Variants in TSHZ2 observed in about 807,000 individuals in gnomAD.
TSHZ2 encodes teashirt homolog 2.
Under a neutral mutation model 74.4 loss-of-function variants are expected in TSHZ2, and 21 were observed. The ratio of observed to expected loss-of-function variants is 0.28; its 90% CI spans 0.20 to 0.41. The LOEUF (loss-of-function observed/expected upper bound fraction) is 0.41. Among genes scored for constraint, TSHZ2 ranks in the 10% least tolerant of loss-of-function variants. The pLI is 1.00. For missense variants in TSHZ2, 1,244 were observed against 1,293.5 expected (o/e 0.96, Z 0.59); for synonymous variants, 540 against 515.3 (o/e 1.05, Z -0.65).
intron 1 of TSHZ2, among the ~76,000 whole-genome samples, chr20:53,124,880 A>G (rs979905112): frequency 2.0e-5 from 3 of 152,194 alleles, no homozygotes; most frequent in African/African-American, 7.2e-5. Flanking sequence ...CTTTTTCTGT[A>G]AAGGGCCAAA....
chr20:53,388,297 AACTC>A (rs1982120646), intron 2 of TSHZ2, among the ~76,000 whole-genome samples: 1 of 152,244 alleles, frequency 6.6e-6, no homozygotes. Context: ...TGTTCATTCA[AACTC>A]ACATTTCTTG....
At chr20:53,387,387 G>T (rs755895967) in intron 2 of TSHZ2, among the ~76,000 whole-genome samples, 1 of 152,194 alleles carries the variant, frequency 6.6e-6, no homozygotes, top group Admixed American at 6.5e-5. Context: ...ATTCTATGTG[G>T]GGATATTCTT....
chr20:53,393,784 T>C (rs369770499), intron 2 of TSHZ2, among the ~76,000 whole-genome samples: 1 of 152,232 alleles, frequency 6.6e-6, no homozygotes, highest in African/African-American at 2.4e-5. Flanking sequence ...TATTTAAGAT[T>C]GACGTCTCCA....
chr20:53,387,857 G>A (rs1178260342), intron 2 of TSHZ2, among the ~76,000 whole-genome samples: 1 of 151,982 alleles, frequency 6.6e-6, no homozygotes. Context: ...GACCAGCCTG[G>A]GCAACATGGT....
rs367808679 is a variant in TSHZ2, at chr20:53,163,451, AT to A, written c.41-90044del. ...AGAGCCTTTTATTTTATTTTATTTTATTTTATTTTTTTTTATTATACTCTAA... is the reference window on the plus strand; with the variant it reads ...AGAGCCTTTTATTTTATTTTATTTTATTTATTTTTTTTTATTATACTCTAA... On this transcript the variant is annotated intron_variant, in intron 1 of 2. Transcript: ENST00000371497. Among the ~76,000 whole-genome samples the A allele has an allele frequency of 7.9e-3, 699 of 88,712 alleles. 5 individuals carry two copies. Among genetic ancestry groups the A allele is most frequent in the African/African-American group, 0.032 (671 of 21,068 alleles). 58.2% of individuals were successfully genotyped at this position (88,712 alleles called of 152,430 possible). A position where few individuals can be genotyped will look rare whatever the true frequency, so the allele number is the denominator to read the frequency against.
At chr20:53,392,700 AT>A (rs879887417) in intron 2 of TSHZ2, among the ~76,000 whole-genome samples, 2 of 151,994 alleles carry the variant, frequency 1.3e-5, no homozygotes, top group Non-Finnish European at 2.9e-5. Context: ...ATTCTTTTTT[AT>A]TTTTTAAAAA....
chr20:53,258,190 G>A (rs1568840237), intron 2 of TSHZ2, among the ~76,000 whole-genome samples: 1 of 152,192 alleles, frequency 6.6e-6, no homozygotes, highest in African/African-American at 2.4e-5. Context: ...GTTATTGGCA[G>A]ATTCTTCTCA....
intron 1 of TSHZ2, among the ~76,000 whole-genome samples, chr20:53,144,046 GGTGGAGGCCACAAGACCAGATGAGCC>G (rs1430581104): frequency 6.6e-6 from 1 of 152,128 alleles, no homozygotes; most frequent in Non-Finnish European, 1.5e-5. Flanking sequence ...TCAGTTTCTG[GGTGGAGGCCACAAGACCAGATGAGCC>G]AGTTTATCCA....
chr20:53,080,143 G>A (rs559879962), intron 1 of TSHZ2, among the ~76,000 whole-genome samples: 3 of 152,246 alleles, frequency 2.0e-5, no homozygotes, highest in East Asian at 3.9e-4. Context: ...GGTACCAGAC[G>A]CATAGAGAGC....
chr20:53,372,822 CTT>C (rs1485181133), intron 2 of TSHZ2, among the ~76,000 whole-genome samples: 1 of 152,192 alleles, frequency 6.6e-6, no homozygotes, highest in Non-Finnish European at 1.5e-5. Flanking sequence ...CACTTTGAGA[CTT>C]TAAGCTTCAT....
At chr20:53,352,808 T>C (rs893313891) in intron 2 of TSHZ2, among the ~76,000 whole-genome samples, 3 of 148,420 alleles carry the variant, frequency 2.0e-5, no homozygotes, top group Non-Finnish European at 4.5e-5. Flanking sequence ...AGAAATAAGA[T>C]GAGAATTTTA....
chr20:52,977,466 ACACG>A (rs1235541192), intron 1 of TSHZ2, among the ~76,000 whole-genome samples: 7 of 139,524 alleles, frequency 5.0e-5, no homozygotes, highest in African/African-American at 7.9e-5. Flanking sequence ...ACACACACAC[ACACG>A]CATGGACACA....
chr20:53,337,877 A>G (rs528052315), intron 2 of TSHZ2, among the ~76,000 whole-genome samples: 4 of 152,374 alleles, frequency 2.6e-5, no homozygotes, highest in Admixed American at 2.6e-4. Flanking sequence ...TAGAGCAGAC[A>G]TTGGGAAACT....
At chr20:53,138,861 AGC>A (rs1331416600) in intron 1 of TSHZ2, among the ~76,000 whole-genome samples, 1 of 152,250 alleles carries the variant, frequency 6.6e-6, no homozygotes, top group Non-Finnish European at 1.5e-5. Context: ...TCTATTGACC[AGC>A]GGTGGGCATG....
At chr20:53,279,982 G>T (rs117881023) in intron 2 of TSHZ2, among the ~76,000 whole-genome samples, 271 of 152,326 alleles carry the variant, frequency 1.8e-3, no homozygotes, top group Middle Eastern at 0.014. Flanking sequence ...AGTGTCCCTG[G>T]AATGCTGTGA....
intron 1 of TSHZ2, among the ~76,000 whole-genome samples, chr20:53,032,734 C>G (rs931837808): frequency 1.3e-5 from 2 of 150,642 alleles, no homozygotes; most frequent in Non-Finnish European, 2.9e-5. Context: ...TTACTTTTCC[C>G]CATGTCCTGA....
At position 53,173,477 on chromosome 20, in the gene TSHZ2, G is replaced by A. The variant is rs6013643; in HGVS notation, c.41-80022G>A. On this transcript the variant is annotated intron_variant, in intron 1 of 2. Coordinates refer to ENST00000371497, the MANE Select transcript of TSHZ2 (RefSeq NM_173485.6). ...CAAAAAATTAGCCAGGCATGGTGGT[G>A]TGCACCTGTAATCCCAGCTACTCAG... 2.8e-3 allele frequency among the ~76,000 whole-genome samples: 420 copies of A among 152,212 alleles called. 4 individuals are homozygous for A. Among genetic ancestry groups the A allele is most frequent in the African/African-American group, 9.6e-3 (398 of 41,528 alleles).
At chr20:53,471,909 G>A (rs561053808) in intron 2 of TSHZ2, among the ~76,000 whole-genome samples, 33 of 148,480 alleles carry the variant, frequency 2.2e-4, no homozygotes, top group Admixed American at 6.2e-4. Context: ...CAGTTCAAGC[G>A]ATTCTCCTGC....
At chr20:53,052,285 C>T (rs1984496529) in intron 1 of TSHZ2, among the ~76,000 whole-genome samples, 1 of 152,176 alleles carries the variant, frequency 6.6e-6, no homozygotes, top group African/African-American at 2.4e-5. Context: ...TCCTCAACCC[C>T]TGAGCTGCGG....
Sources: allele counts gnomAD v4.1 joint callset (sites outside exome capture counted in the v4.1 genomes callset), GRCh38; gene constraint gnomAD v4.1.1; transcripts MANE v1.5; gene names NCBI Gene and HGNC (gene_info 2026-07-23, HGNC 2026-07-21).